Variants in BCL11A observed in about 807,000 individuals in gnomAD.
BCL11A encodes the protein BCL11 transcription factor A, also known as B cell CLL/lymphoma 11A.
A neutral mutation model predicts 55.9 loss-of-function variants in BCL11A; 2 were observed. That is an observed-to-expected ratio of 0.04 (90% CI 0.01 to 0.11). The LOEUF is 0.11. Among genes scored for constraint, BCL11A ranks in the 10% least tolerant of loss-of-function variants. The pLI, the probability that BCL11A is intolerant of heterozygous loss-of-function variation, is 1.00. For synonymous variants in BCL11A, 465 were observed against 473.4 expected (o/e 0.98, Z 0.23); for missense variants, 817 against 1,137.1 (o/e 0.72, Z 4.05).
intron 2 of BCL11A, chr2:60,541,951 A>T: frequency 1.4e-6 from 1 of 697,222 alleles, no homozygotes; most frequent in Non-Finnish European, 2.6e-6. Flanking sequence ...AATGGATACA[A>T]AAAGAAAAGG....
At chr2:60,464,455 C>T (rs533304198) in intron 3 of BCL11A, among the ~76,000 whole-genome samples, 25 of 152,310 alleles carry the variant, frequency 1.6e-4, no homozygotes, top group South Asian at 4.1e-4. Context: ...GTGGCTTCCT[C>T]CTTGTCCTCC....
chr2:60,480,063 AGCAAGCTG>A (rs1210207892), intron 2 of BCL11A, among the ~76,000 whole-genome samples: 4 of 152,062 alleles, frequency 2.6e-5, no homozygotes, highest in Non-Finnish European at 5.9e-5. Flanking sequence ...TCCGGTGTGG[AGCAAGCTG>A]TGGACTTCCC....
chr2:60,458,567 A>G lies in BCL11A; in HGVS notation c.*1837T>C. ...GCGCTTGCAATGTTGCGTCCAAGTAAGTAAGCTCAATAGTCAAGTAAATGG... is the reference window on the plus strand; with the variant it reads ...GCGCTTGCAATGTTGCGTCCAAGTAGGTAAGCTCAATAGTCAAGTAAATGG... On this transcript the variant is annotated 3_prime_UTR_variant, in exon 4 of 4. Transcript: ENST00000642384. The G allele has an allele frequency of 9.6e-7, 1 of 1,037,754 alleles. No homozygotes were observed. Among genetic ancestry groups the G allele is most frequent in the Non-Finnish European group, 1.2e-6 (1 of 861,582 alleles). 64.3% of individuals were successfully genotyped at this position (1,037,754 alleles called of 1,614,324 possible).
intron 2 of BCL11A, among the ~76,000 whole-genome samples, chr2:60,539,402 A>G (rs571328627): frequency 1.3e-5 from 2 of 152,292 alleles, no homozygotes; most frequent in African/African-American, 2.4e-5. Context: ...ACCTAACTCA[A>G]TGCCATTGCA....
At chr2:60,543,340 A>G (rs1421518357) in intron 2 of BCL11A, 1 of 152,230 alleles carries the variant, frequency 6.6e-6, no homozygotes, top group African/African-American at 2.4e-5. Context: ...AGATTCATCA[A>G]TATATCTCTT....
At chr2:60,467,759 A>C (rs1326557841) in intron 3 of BCL11A, among the ~76,000 whole-genome samples, 3 of 40,454 alleles carry the variant, frequency 7.4e-5, no homozygotes, top group East Asian at 1.6e-3. Flanking sequence ...GGTGGTGGTA[A>C]TGGTGGTGGT....
chr2:60,463,304 C>T (rs1274542523), intron 3 of BCL11A, among the ~76,000 whole-genome samples: 1 of 152,208 alleles, frequency 6.6e-6, no homozygotes, highest in Non-Finnish European at 1.5e-5. Flanking sequence ...CTTAAGCAGA[C>T]ACAGCATCCT....
chr2:60,531,337 C>G (rs1163495734), intron 2 of BCL11A, among the ~76,000 whole-genome samples: 3 of 152,188 alleles, frequency 2.0e-5, no homozygotes, highest in Admixed American at 6.5e-5. Flanking sequence ...GGACTGCCCC[C>G]TCCTTTGCGT....
chr2:60,452,867 C>G, downstream of BCL11A: 1 of 518,560 alleles, frequency 1.9e-6, no homozygotes, highest in Non-Finnish European at 3.5e-6. Flanking sequence ...TCTTCCCATG[C>G]CTCCCTCCCT....
intron 2 of BCL11A, among the ~76,000 whole-genome samples, chr2:60,490,842 A>G (rs1036341689): frequency 6.6e-6 from 1 of 152,220 alleles, no homozygotes; most frequent in African/African-American, 2.4e-5. Context: ...CTAAAAGGGA[A>G]GTTATTTTTC....
intron 2 of BCL11A, among the ~76,000 whole-genome samples, chr2:60,472,075 G>A (rs1677235966): frequency 6.6e-6 from 1 of 152,162 alleles, no homozygotes; most frequent in Admixed American, 6.5e-5. Context: ...GACTGGAACA[G>A]TCAAAAACAA....
At chr2:60,477,715 G>T (rs1677697413) in intron 2 of BCL11A, among the ~76,000 whole-genome samples, 1 of 152,200 alleles carries the variant, frequency 6.6e-6, no homozygotes, top group Non-Finnish European at 1.5e-5. Flanking sequence ...GAGAGACAAG[G>T]GAGTGGGGAG....
chr2:60,478,980 T>G (rs1463762447), intron 2 of BCL11A, among the ~76,000 whole-genome samples: 2 of 149,198 alleles, frequency 1.3e-5, no homozygotes, highest in Non-Finnish European at 3.0e-5. Context: ...TTTTTTTTTT[T>G]CCCTCCTCCC....
At chr2:60,505,963 A>T (rs1346981741) in intron 2 of BCL11A, among the ~76,000 whole-genome samples, 1 of 152,234 alleles carries the variant, frequency 6.6e-6, no homozygotes, top group African/African-American at 2.4e-5. Context: ...TGGAGATGGC[A>T]TGGTGGCATT....
rs555397026 is a variant in BCL11A, at chr2:60,477,512, G to C, written c.386-8679C>G. On this transcript the variant is annotated intron_variant, in intron 2 of 3. Transcript: ENST00000642384. ...AAATGCCTAATGTAGATGATGGGTT[G>C]ATAGGTGCAGCAAACCACCATGGTA... 7.9e-5 allele frequency among the ~76,000 whole-genome samples: 12 copies of C among 152,282 alleles called. No homozygotes were observed. The East Asian group carries it at 1.9e-3, about 24-fold the overall frequency.
chr2:60,542,909 A>T (rs1438874005), intron 2 of BCL11A: 1 of 152,178 alleles, frequency 6.6e-6, no homozygotes, highest in Non-Finnish European at 1.5e-5. Context: ...ACACGCCTGT[A>T]ATCCCAGCTA....
intron 2 of BCL11A, among the ~76,000 whole-genome samples, chr2:60,513,551 T>TC (rs1469632572): frequency 6.6e-6 from 1 of 152,182 alleles, no homozygotes; most frequent in African/African-American, 2.4e-5. Context: ...AATCTTCATG[T>TC]CCTGTCTGGA....
At position 60,458,953 on chromosome 2, in the gene BCL11A, T is replaced by TCA; in HGVS notation, c.*1450_*1451insTG. 3 of 1,033,772 alleles carry TCA rather than the reference T, an allele frequency of 2.9e-6. No homozygotes were observed. The highest frequency in any genetic ancestry group is 3.5e-6 in the Non-Finnish European group (3 of 858,698). 64.0% of individuals were successfully genotyped at this position (1,033,772 alleles called of 1,614,324 possible). A position where few individuals can be genotyped will look rare whatever the true frequency, so the allele number is the denominator to read the frequency against. On this transcript the variant is annotated 3_prime_UTR_variant, in exon 4 of 4. Transcript: ENST00000642384. ...TATGGAAAAGAAATGAAGTACAACT[T>TCA]TTAGGGAGCACAGACATATATACTG...
At chr2:60,473,511 G>A (rs1429265885) in intron 2 of BCL11A, among the ~76,000 whole-genome samples, 2 of 152,150 alleles carry the variant, frequency 1.3e-5, no homozygotes, top group Non-Finnish European at 1.5e-5. Context: ...CTGAACGTTT[G>A]TAAAGTACCC....
Sources: gnomAD v4.1 joint callset for allele counts (sites outside exome capture counted in the v4.1 genomes callset) on GRCh38, gnomAD v4.1.1 for gene constraint, MANE v1.5 for transcripts, NCBI Gene and HGNC (gene_info 2026-07-23, HGNC 2026-07-21) for gene names.